PRSS3: variants seen among roughly 807,000 people sequenced by gnomAD.
PRSS3 encodes trypsin-3.
Under a neutral mutation model 20.8 loss-of-function variants are expected in PRSS3, and 14 were observed. The ratio of observed to expected loss-of-function variants is 0.67; its 90% confidence interval spans 0.44 to 1.05. PRSS3 has a LOEUF of 1.05. Among genes scored for constraint, PRSS3 ranks in the 50% least tolerant of loss-of-function variants. The pLI, the probability that PRSS3 is intolerant of heterozygous loss-of-function variation, is 0.00. For missense variants in PRSS3, 237 were observed against 306.4 expected (o/e 0.77, Z 1.69); for synonymous variants, 91 against 117.6 (o/e 0.77, Z 1.46).
chr9:33,761,484 A>T (rs1823202512), intron 1 of PRSS3, among the ~76,000 whole-genome samples: 1 of 152,134 alleles, frequency 6.6e-6, no homozygotes, highest in South Asian at 2.1e-4. Context: ...AGGCGGGCAG[A>T]TCATGTGAGG....
chr9:33,796,523 C>T (rs1274914332), intron 1 of PRSS3, 120 bp from the exon 2 acceptor site: 2 of 1,363,830 alleles, frequency 1.5e-6, no homozygotes, highest in East Asian at 2.3e-5. Flanking sequence ...GCGCTCCCTC[C>T]CTTGCCTGGC....
intron 1 of PRSS3, among the ~76,000 whole-genome samples, chr9:33,787,971 G>A (rs547895807): frequency 6.6e-6 from 1 of 152,224 alleles, no homozygotes; most frequent in Non-Finnish European, 1.5e-5. Flanking sequence ...GCTGTCCAGG[G>A]TGGATGAAAT....
At chr9:33,786,484 G>C (rs1303300842) in intron 1 of PRSS3, 2 of 735,234 alleles carry the variant, frequency 2.7e-6, no homozygotes, top group Non-Finnish European at 5.0e-6. Flanking sequence ...TTTCCCGTCT[G>C]ACCCCAAGCT....
intron 1 of PRSS3, among the ~76,000 whole-genome samples, chr9:33,765,043 G>A: frequency 6.6e-6 from 1 of 152,198 alleles, no homozygotes; most frequent in Non-Finnish European, 1.5e-5. Context: ...CATTGCTGGT[G>A]GGATTGTGAA....
upstream of PRSS3, among the ~76,000 whole-genome samples, chr9:33,794,185 G>A (rs1045897086): frequency 6.2e-5 from 8 of 129,528 alleles, no homozygotes; most frequent in African/African-American, 2.1e-4. Flanking sequence ...ATCTCAACAC[G>A]AAGTTTCTGA....
At chr9:33,766,397 C>A (rs1450608943) in intron 1 of PRSS3, among the ~76,000 whole-genome samples, 1 of 150,976 alleles carries the variant, frequency 6.6e-6, no homozygotes, top group Non-Finnish European at 1.5e-5. Context: ...CACGGTGAAA[C>A]CCCGTTTCTA....
At chr9:33,793,978 G>C (rs1001606251), upstream of PRSS3, among the ~76,000 whole-genome samples, 1 of 139,848 alleles carries the variant, frequency 7.2e-6, no homozygotes, top group African/African-American at 2.7e-5. Flanking sequence ...AGTGATTAGA[G>C]GGGATGTGGG....
intron 1 of PRSS3, among the ~76,000 whole-genome samples, chr9:33,795,928 CA>C (rs1423113843): frequency 9.2e-5 from 14 of 152,240 alleles, no homozygotes; most frequent in African/African-American, 3.4e-4. Flanking sequence ...ACCAGTATAG[CA>C]CCACTATAGC....
At chr9:33,751,782 G>A (rs1360387932) in intron 1 of PRSS3, among the ~76,000 whole-genome samples, 1 of 152,126 alleles carries the variant, frequency 6.6e-6, no homozygotes, top group East Asian at 1.9e-4. Flanking sequence ...TATATTTTCA[G>A]TATAACCTGG....
Position 33,797,768 on chromosome 9 carries a change from A to T in PRSS3, c.201-61A>T. ...GCAGTGAGCTTGAGGACCCTGGGGA[A>T]GGTGGGAGGGGTGCCCAGGCTGTGG... On this transcript the variant is annotated intron_variant, in intron 2 of 4. Coordinates refer to ENST00000379405, the MANE Select transcript of PRSS3 (RefSeq NM_002771.4). 4 of 1,614,090 alleles carry T rather than the reference A, an allele frequency of 2.5e-6. No individual in the cohort carries two copies. In the South Asian group the frequency reaches 4.4e-5, roughly 18 times the overall value.
At position 33,795,668 on chromosome 9, in the gene PRSS3, T is replaced by C. The variant is rs1278700791; in HGVS notation, c.40+55T>C. 7 of 1,582,828 alleles carry C rather than the reference T, an allele frequency of 4.4e-6. No individual in the cohort carries two copies. The East Asian group carries it at 1.1e-4, about 25-fold the overall frequency. Reference sequence around the variant, plus strand: ...CCCACCCCCTTTCCTGGCAGACACATGCCCTGCCATTCTTGCCACCTCTCC... The same window carrying C: ...CCCACCCCCTTTCCTGGCAGACACACGCCCTGCCATTCTTGCCACCTCTCC... On this transcript the variant is annotated intron_variant, in intron 1 of 4. Coordinates refer to ENST00000379405, the MANE Select transcript of PRSS3 (RefSeq NM_002771.4).
chr9:33,769,786 G>A (rs1304402147), intron 1 of PRSS3, among the ~76,000 whole-genome samples: 2 of 152,250 alleles, frequency 1.3e-5, no homozygotes, highest in Non-Finnish European at 2.9e-5. Flanking sequence ...ATTTAGGGTA[G>A]AGGAATCAGG....
chr9:33,772,509 T>C (rs774470630), intron 1 of PRSS3, among the ~76,000 whole-genome samples: 2 of 152,092 alleles, frequency 1.3e-5, no homozygotes, highest in African/African-American at 2.4e-5. Context: ...AGAGCCTGAG[T>C]TGCCTGAATT....
At chr9:33,776,316 A>G (rs1304553150) in intron 1 of PRSS3, among the ~76,000 whole-genome samples, 1 of 152,228 alleles carries the variant, frequency 6.6e-6, no homozygotes, top group African/African-American at 2.4e-5. Flanking sequence ...ATGTCCCCAC[A>G]TACATGTAAT....
At chr9:33,777,531 C>CAAAAAAAAAAACAAAAAAA (rs1823987900) in intron 1 of PRSS3, among the ~76,000 whole-genome samples, 1 of 101,874 alleles carries the variant, frequency 9.8e-6, no homozygotes, top group Non-Finnish European at 1.9e-5. Flanking sequence ...CTAAAAATAC[C>CAAAAAAAAAAACAAAAAAA]AAAAAAAAAA....
At chr9:33,772,164 G>A (rs1247021433) in intron 1 of PRSS3, among the ~76,000 whole-genome samples, 5 of 152,138 alleles carry the variant, frequency 3.3e-5, no homozygotes, top group African/African-American at 1.2e-4. Flanking sequence ...AAGCCACCGC[G>A]CGCAGCCCCC....
At chr9:33,785,039 A>C (rs1326879957) in intron 1 of PRSS3, among the ~76,000 whole-genome samples, 1 of 152,208 alleles carries the variant, frequency 6.6e-6, no homozygotes, top group Non-Finnish European at 1.5e-5. Context: ...TAAATGTATG[A>C]AAAGCAGAGT....
chr9:33,759,976 T>C (rs1320380219), intron 1 of PRSS3, among the ~76,000 whole-genome samples: 1 of 152,184 alleles, frequency 6.6e-6, no homozygotes, highest in African/African-American at 2.4e-5. Flanking sequence ...TGAGCACTTT[T>C]TCCAAGAGGT....
chr9:33,791,866 G>A (rs959808992), upstream of PRSS3, among the ~76,000 whole-genome samples: 4 of 152,104 alleles, frequency 2.6e-5, no homozygotes, highest in Non-Finnish European at 4.4e-5. Flanking sequence ...ACTTCCCTCC[G>A]GGCATAAAAC....
Sources: allele counts gnomAD v4.1 joint callset (sites outside exome capture counted in the v4.1 genomes callset), GRCh38; gene constraint gnomAD v4.1.1; transcripts MANE v1.5; gene names NCBI Gene and HGNC (gene_info 2026-07-23, HGNC 2026-07-21).